The following NOL4 variants were observed in gnomAD, a reference collection of about 807,000 sequenced individuals.
NOL4 encodes the protein cancer/testis antigen 125.
A neutral mutation model predicts 75.9 loss-of-function variants in NOL4; 17 were observed. The observed-to-expected ratio is 0.22, with a 90% CI of 0.15 to 0.34. The LOEUF is 0.34. NOL4 is among the 10% of genes least tolerant of loss of function. The pLI is 1.00. For missense variants in NOL4, 614 were observed against 793.5 expected (o/e 0.77, Z 2.72); for synonymous variants, 292 against 289.9 (o/e 1.01, Z -0.07).
rs560877906 is a variant in NOL4 at position 34,205,838 on chromosome 18, A to G, written c.264+17152T>C. 2.0e-5 allele frequency among the ~76,000 whole-genome samples: 3 copies of G among 152,280 alleles called. No homozygotes were observed. In the East Asian group the frequency reaches 5.8e-4, roughly 29 times the overall value. ...AGGGATACCTCAAAGTTACCAAGGA[A>G]TTAACAAAATTAATTCACCAGGAAT... On this transcript the variant is annotated intron_variant, in intron 1 of 10. Transcript: ENST00000261592.
At chr18:33,877,290 T>C (rs527402958) in intron 10 of NOL4, among the ~76,000 whole-genome samples, 171 of 151,844 alleles carry the variant, frequency 1.1e-3, no homozygotes, top group Non-Finnish European at 2.1e-3. Context: ...AACATAGTGA[T>C]ATCCTGTCTC....
chr18:33,885,723 G>A (rs571962960), intron 9 of NOL4, among the ~76,000 whole-genome samples: 1 of 152,228 alleles, frequency 6.6e-6, no homozygotes, highest in Admixed American at 6.5e-5. Flanking sequence ...CTGTTGGTGG[G>A]AATGTAAATT....
chr18:33,867,841 G>A (rs1463614928), intron 10 of NOL4, among the ~76,000 whole-genome samples: 1 of 152,060 alleles, frequency 6.6e-6, no homozygotes, highest in African/African-American at 2.4e-5. Context: ...CCAAGATCCA[G>A]GAGGCTCAAG....
chr18:33,962,002 C>G (rs1056162691), intron 6 of NOL4, among the ~76,000 whole-genome samples: 5 of 152,068 alleles, frequency 3.3e-5, no homozygotes, highest in African/African-American at 1.2e-4. Context: ...AGAAATGGCC[C>G]CTCGCTCTAC....
At chr18:34,113,796 G>A (rs2079721472) in intron 2 of NOL4, among the ~76,000 whole-genome samples, 1 of 152,158 alleles carries the variant, frequency 6.6e-6, no homozygotes, top group African/African-American at 2.4e-5. Context: ...AGCATTGAAA[G>A]CCTATGTGCC....
chr18:34,161,702 T>G (rs1355568115), intron 1 of NOL4, among the ~76,000 whole-genome samples: 4 of 152,170 alleles, frequency 2.6e-5, no homozygotes, highest in African/African-American at 4.8e-5. Flanking sequence ...TATTTCTTTT[T>G]ATGCTGTTGA....
At chr18:33,928,434 A>G (rs1450465048) in intron 9 of NOL4, among the ~76,000 whole-genome samples, 1 of 152,152 alleles carries the variant, frequency 6.6e-6, no homozygotes, top group Non-Finnish European at 1.5e-5. Flanking sequence ...AGAATGAGTA[A>G]TGGAAAGAAA....
intron 6 of NOL4, among the ~76,000 whole-genome samples, chr18:33,982,689 T>C (rs2145997698): frequency 6.6e-6 from 1 of 151,040 alleles, no homozygotes; most frequent in Middle Eastern, 3.5e-3. Context: ...TAACCCAAGA[T>C]ATCCTTCAGC....
At chr18:34,197,945 A>G (rs2035455333) in intron 1 of NOL4, among the ~76,000 whole-genome samples, 1 of 151,956 alleles carries the variant, frequency 6.6e-6, no homozygotes, top group Non-Finnish European at 1.5e-5. Context: ...AGGGAGGTAG[A>G]AAAATATTCT....
At chr18:34,145,253 A>G (rs981129228) in intron 1 of NOL4, among the ~76,000 whole-genome samples, 4 of 152,240 alleles carry the variant, frequency 2.6e-5, no homozygotes, top group Admixed American at 1.3e-4. Flanking sequence ...TAGCAATTTT[A>G]CCTTCTAGGA....
At chr18:33,874,449 C>T (rs532668608) in intron 10 of NOL4, among the ~76,000 whole-genome samples, 3 of 152,064 alleles carry the variant, frequency 2.0e-5, no homozygotes, top group African/African-American at 7.2e-5. Flanking sequence ...ATCCTTAACT[C>T]CAACTGATTA....
At chr18:34,095,251 ATGTGTGTGTGTGTG>A (rs60017439) in intron 4 of NOL4, among the ~76,000 whole-genome samples, 51 of 144,408 alleles carry the variant, frequency 3.5e-4, no homozygotes, top group Non-Finnish European at 7.0e-4. Context: ...TCTAATGTGT[ATGTGTGTGTGTGTG>A]TGTGTGTGTG....
At chr18:33,993,346 T>C (rs2073057467) in intron 6 of NOL4, among the ~76,000 whole-genome samples, 1 of 151,966 alleles carries the variant, frequency 6.6e-6, no homozygotes, top group Admixed American at 6.6e-5. Flanking sequence ...AGTGTGGGCA[T>C]ACCCAAAGCT....
intron 9 of NOL4, among the ~76,000 whole-genome samples, chr18:33,937,222 C>A (rs1738598058): frequency 6.6e-6 from 1 of 152,118 alleles, no homozygotes; most frequent in Admixed American, 6.6e-5. Flanking sequence ...CTGTCCTTGC[C>A]ACTGGCTTGC....
chr18:33,974,755 T>C (rs946610443), intron 6 of NOL4, among the ~76,000 whole-genome samples: 68 of 151,096 alleles, frequency 4.5e-4, no homozygotes, highest in Non-Finnish European at 1.9e-4. Flanking sequence ...AACTTAAATT[T>C]GCAAAAAAAA....
intron 1 of NOL4, among the ~76,000 whole-genome samples, chr18:34,194,539 A>G (rs947490356): frequency 6.6e-6 from 1 of 152,018 alleles, no homozygotes; most frequent in African/African-American, 2.4e-5. Context: ...TTATTAAATT[A>G]CCTCGTAAGT....
At chr18:33,948,334 A>T (rs1479433118) in intron 8 of NOL4, among the ~76,000 whole-genome samples, 1 of 152,034 alleles carries the variant, frequency 6.6e-6, no homozygotes, top group Non-Finnish European at 1.5e-5. Context: ...ATTATTAAGA[A>T]TTCTGTAATT....
chr18:34,039,214 T>C (rs1268112651), intron 5 of NOL4, among the ~76,000 whole-genome samples: 1 of 151,964 alleles, frequency 6.6e-6, no homozygotes, highest in Non-Finnish European at 1.5e-5. Context: ...TAATTTTAAG[T>C]GGTTACATTG....
intron 1 of NOL4, among the ~76,000 whole-genome samples, chr18:34,208,438 A>G (rs1600881655): frequency 6.6e-6 from 1 of 151,924 alleles, no homozygotes; most frequent in East Asian, 1.9e-4. Context: ...GATGACAAGA[A>G]AAAGATTAAA....
Sources: allele counts gnomAD v4.1 joint callset (sites outside exome capture counted in the v4.1 genomes callset), GRCh38; gene constraint gnomAD v4.1.1; transcripts MANE v1.5; gene names NCBI Gene and HGNC (gene_info 2026-07-23, HGNC 2026-07-21).